Variants in NOL4 observed in about 807,000 individuals in gnomAD.
The protein encoded by NOL4 is nucleolar protein 4.
In NOL4, 17 loss-of-function variants were observed where a neutral mutation model predicts 75.9. That is an observed-to-expected ratio of 0.22 (90% CI 0.15 to 0.34). The LOEUF (loss-of-function observed/expected upper bound fraction) is 0.34. NOL4 is among the 10% of genes least tolerant of loss of function. The pLI is 1.00. For missense variants in NOL4, 614 were observed against 793.5 expected (o/e 0.77, Z 2.72); for synonymous variants, 292 against 289.9 (o/e 1.01, Z -0.07).
At chr18:34,057,569 T>C (rs745829837) in intron 5 of NOL4, among the ~76,000 whole-genome samples, 8 of 152,196 alleles carry the variant, frequency 5.3e-5, no homozygotes, top group Non-Finnish European at 1.2e-4. Flanking sequence ...CTGAAAGATC[T>C]GTGATCTATC....
intron 5 of NOL4, among the ~76,000 whole-genome samples, chr18:34,083,010 C>T (rs2078080075): frequency 6.6e-6 from 1 of 152,036 alleles, no homozygotes; most frequent in South Asian, 2.1e-4. Context: ...TACTCCAGTA[C>T]CTCAAAACCT....
Position 33,870,716 on chromosome 18 carries a change from T to C in NOL4, c.1723+12528A>G, listed in dbSNP as rs187788919. ...GGAATAAAATGTAAAAAAAAAATTC[T>C]TGTAATATTGTCCCAAATAACACAA... On this transcript the variant is annotated intron_variant, in intron 10 of 10. Coordinates refer to ENST00000261592, the MANE Select transcript of NOL4 (RefSeq NM_003787.5). 3.8e-4 allele frequency among the ~76,000 whole-genome samples: 58 copies of C among 152,146 alleles called. 1 individual carries two copies. Among genetic ancestry groups the C allele is most frequent in the Admixed American group, 2.1e-3 (32 of 15,220 alleles).
At chr18:34,021,296 T>C (rs1384274061) in intron 5 of NOL4, among the ~76,000 whole-genome samples, 1 of 152,134 alleles carries the variant, frequency 6.6e-6, no homozygotes, top group African/African-American at 2.4e-5. Flanking sequence ...GTGATATGAG[T>C]TGAATTCTCA....
chr18:34,015,080 C>T (rs1350195494), intron 6 of NOL4, among the ~76,000 whole-genome samples: 1 of 151,930 alleles, frequency 6.6e-6, no homozygotes, highest in Non-Finnish European at 1.5e-5. Context: ...TGGAACAATC[C>T]TGAGGACTAC....
chr18:34,143,311 A>C (rs2081264700), intron 1 of NOL4, among the ~76,000 whole-genome samples: 1 of 152,202 alleles, frequency 6.6e-6, no homozygotes, highest in South Asian at 2.1e-4. Context: ...AAGATGTGTA[A>C]CATATAATTT....
At chr18:34,047,808 C>A (rs572328551) in intron 5 of NOL4, among the ~76,000 whole-genome samples, 2 of 152,044 alleles carry the variant, frequency 1.3e-5, no homozygotes, top group African/African-American at 4.8e-5. Context: ...CCCCCCAGAA[C>A]AAAATCCATC....
At chr18:33,860,014 G>A (rs2063025735) in intron 10 of NOL4, among the ~76,000 whole-genome samples, 1 of 152,100 alleles carries the variant, frequency 6.6e-6, no homozygotes, top group African/African-American at 2.4e-5. Flanking sequence ...TGGCTGGGGA[G>A]GCCTCAGGAA....
intron 2 of NOL4, among the ~76,000 whole-genome samples, chr18:34,112,362 G>GT (rs1197631021): frequency 6.7e-6 from 1 of 150,188 alleles, no homozygotes; most frequent in African/African-American, 2.5e-5. Flanking sequence ...GAGTGAGACT[G>GT]TCCCCCCCCA....
At chr18:34,045,617 A>G (rs1031682482) in intron 5 of NOL4, among the ~76,000 whole-genome samples, 2 of 152,204 alleles carry the variant, frequency 1.3e-5, no homozygotes, top group Admixed American at 1.3e-4. Flanking sequence ...CTTTAAGAAA[A>G]CAAATAAATT....
At chr18:33,867,998 C>T (rs1485349744) in intron 10 of NOL4, among the ~76,000 whole-genome samples, 2 of 151,730 alleles carry the variant, frequency 1.3e-5, no homozygotes, top group Admixed American at 6.6e-5. Context: ...TGTCCACCTA[C>T]ATTAGGGAGG....
At chr18:33,981,186 G>A (rs577450161) in intron 6 of NOL4, among the ~76,000 whole-genome samples, 22 of 151,172 alleles carry the variant, frequency 1.5e-4, no homozygotes, top group Admixed American at 2.6e-4. Context: ...TGAATAAACA[G>A]AACAGAATAT....
At chr18:33,936,415 T>C (rs1386021695) in intron 9 of NOL4, among the ~76,000 whole-genome samples, 1 of 151,852 alleles carries the variant, frequency 6.6e-6, no homozygotes. Context: ...GAGTTTTTTT[T>C]TTTTTTTTTT....
chr18:33,915,668 T>G (rs962080140), intron 9 of NOL4, among the ~76,000 whole-genome samples: 15 of 152,238 alleles, frequency 9.9e-5, no homozygotes, highest in African/African-American at 3.4e-4. Context: ...TATGAAGAAC[T>G]GTCTTATGAA....
intron 1 of NOL4, among the ~76,000 whole-genome samples, chr18:34,180,728 C>A (rs2146328046): frequency 6.6e-6 from 1 of 151,458 alleles, no homozygotes; most frequent in East Asian, 1.9e-4. Context: ...TCCCCTGAAA[C>A]ACTGATAGAA....
chr18:34,171,750 T>C (rs2033062220), intron 1 of NOL4, among the ~76,000 whole-genome samples: 1 of 152,142 alleles, frequency 6.6e-6, no homozygotes, highest in East Asian at 1.9e-4. Flanking sequence ...ATGTAGTCAC[T>C]CAGGAAAGTC....
chr18:34,094,436 T>C (rs1254983669), intron 4 of NOL4, among the ~76,000 whole-genome samples: 1 of 152,100 alleles, frequency 6.6e-6, no homozygotes, highest in East Asian at 1.9e-4. Flanking sequence ...AAATTGTGCA[T>C]GAAACATTTA....
At chr18:33,964,135 G>A (rs1482167161) in intron 6 of NOL4, among the ~76,000 whole-genome samples, 2 of 152,240 alleles carry the variant, frequency 1.3e-5, no homozygotes, top group Admixed American at 6.5e-5. Context: ...TACTTGAGGG[G>A]AGAGTCACAT....
chr18:33,946,762 C>T (rs531070222), intron 8 of NOL4, among the ~76,000 whole-genome samples: 3 of 151,788 alleles, frequency 2.0e-5, no homozygotes, highest in Admixed American at 1.3e-4. Context: ...TTATGATCTT[C>T]ATTAAAAGCA....
At position 34,202,799 on chromosome 18, in the gene NOL4, A is replaced by T. The variant is rs549588326; in HGVS notation, c.264+20191T>A. On this transcript the variant is annotated intron_variant, in intron 1 of 10. Coordinates refer to ENST00000261592, the MANE Select transcript of NOL4 (RefSeq NM_003787.5). ...ATAAATTGTTATTACCATTACATTTAAAAAATGGCTAGGATAGGGAAACTG... is the reference window on the plus strand; with the variant it reads ...ATAAATTGTTATTACCATTACATTTTAAAAATGGCTAGGATAGGGAAACTG... 2.7e-3 allele frequency among the ~76,000 whole-genome samples: 412 copies of T among 152,158 alleles called. 2 individuals are homozygous for T. Among genetic ancestry groups the T allele is most frequent in the African/African-American group, 9.5e-3 (395 of 41,558 alleles).
Sources: gnomAD v4.1 joint callset for allele counts (sites outside exome capture counted in the v4.1 genomes callset) on GRCh38, gnomAD v4.1.1 for gene constraint, MANE v1.5 for transcripts, NCBI Gene and HGNC (gene_info 2026-07-23, HGNC 2026-07-21) for gene names.